The following ARFGEF2 variants were observed in gnomAD, a reference collection of about 807,000 sequenced individuals.
The protein encoded by ARFGEF2 is brefeldin A-inhibited guanine nucleotide-exchange protein 2.
A neutral mutation model predicts 219.9 loss-of-function variants in ARFGEF2; 74 were observed. The ratio of observed to expected loss-of-function variants is 0.34; its 90% CI spans 0.28 to 0.41. The LOEUF (loss-of-function observed/expected upper bound fraction) is 0.41. ARFGEF2 is among the 10% of genes least tolerant of loss of function. The probability of loss-of-function intolerance (pLI) is 1.00; values close to 1 mark genes in which losing one functional copy is unlikely to be tolerated. For synonymous variants in ARFGEF2, 733 were observed against 799.2 expected (o/e 0.92, Z 1.40); for missense variants, 1,743 against 2,218.3 (o/e 0.79, Z 4.30).
At chr20:48,939,296 T>G (rs1391312742) in intron 1 of ARFGEF2, among the ~76,000 whole-genome samples, 1 of 152,100 alleles carries the variant, frequency 6.6e-6, no homozygotes, top group Non-Finnish European at 1.5e-5. Flanking sequence ...CAAAACAGAT[T>G]GTTTTAGAGC....
In ARFGEF2 at chr20:48,925,589, G is replaced by C. The variant is rs553248788; in HGVS notation, c.121+3579G>C. 2.0e-5 allele frequency among the ~76,000 whole-genome samples: 3 copies of C among 152,198 alleles called. No homozygotes were observed. In the South Asian group the frequency reaches 6.2e-4, roughly 32 times the overall value. On this transcript the variant is annotated intron_variant, in intron 1 of 38. Transcript: ENST00000371917. ...TGTGGTTCATGCCTGTAATTCCAGC[G>C]CTTTAGGAGGCCAAGGTGGGCAGAT...
chr20:49,033,272 G>C lies in ARFGEF2; in HGVS notation c.*73G>C. ...GCCATTTCTGACTGGCACATCTCGT[G>C]AAGTTTCATAGAAACAAGGAGTTGG... On this transcript the variant is annotated 3_prime_UTR_variant, in exon 39 of 39. Transcript: ENST00000371917. 6.4e-7 allele frequency: 1 copy of C among 1,565,142 alleles called. No individual in the cohort carries two copies. Among genetic ancestry groups the C allele is most frequent in the Non-Finnish European group, 8.8e-7 (1 of 1,140,730 alleles).
rs542811399 is a variant in ARFGEF2 at position 48,977,795 on chromosome 20, A to T, written c.1958+1596A>T. Among the ~76,000 whole-genome samples the T allele has an allele frequency of 1.6e-4, 24 of 152,320 alleles. No individual in the cohort carries two copies. In the South Asian group the frequency reaches 3.5e-3, roughly 22 times the overall value. On this transcript the variant is annotated intron_variant, in intron 14 of 38. Coordinates refer to ENST00000371917, the MANE Select transcript of ARFGEF2 (RefSeq NM_006420.3). Reference sequence around the variant, plus strand: ...GTCTTCTTTTGAGCAGTGTCTGTTCATATCCTTTGCCCACTTTTTGATGGG... The same window carrying T: ...GTCTTCTTTTGAGCAGTGTCTGTTCTTATCCTTTGCCCACTTTTTGATGGG...
chr20:49,025,575 C>T, intron 36 of ARFGEF2, 94 bp downstream of exon 36: 1 of 1,359,222 alleles, frequency 7.4e-7, no homozygotes, highest in Non-Finnish European at 1.0e-6. Context: ...TTAAACATAG[C>T]TAGAATAACT....
intron 26 of ARFGEF2, among the ~76,000 whole-genome samples, chr20:49,008,002 A>G (rs2091473396): frequency 6.6e-6 from 1 of 152,098 alleles, no homozygotes; most frequent in Non-Finnish European, 1.5e-5. Flanking sequence ...GCACTCTCAG[A>G]TACTGTTGGT....
Position 49,035,862 on chromosome 20 carries a change from G to A in ARFGEF2, c.*2663G>A, listed in dbSNP as rs1220656667. 5 of 256,820 alleles carry A rather than the reference G, an allele frequency of 1.9e-5. No individual in the cohort carries two copies. The highest frequency in any genetic ancestry group is 6.7e-5 in the East Asian group (1 of 14,856). 15.9% of individuals were successfully genotyped at this position (256,820 alleles called of 1,614,324 possible). ...GATGGGTAATTTTTATTTCTGATAC[G>A]CATCTTTAGAGTCAAATATATCTTT... is the stretch of plus-strand genomic sequence containing the variant. On this transcript the variant is annotated 3_prime_UTR_variant, in exon 39 of 39. Coordinates refer to ENST00000371917, the MANE Select transcript of ARFGEF2 (RefSeq NM_006420.3).
At chr20:48,953,335 C>T (rs2091083452) in intron 5 of ARFGEF2, among the ~76,000 whole-genome samples, 1 of 151,792 alleles carries the variant, frequency 6.6e-6, no homozygotes, top group Admixed American at 6.6e-5. Context: ...GCCACCACAC[C>T]CAGCTAATTT....
rs914518010 is a variant in ARFGEF2 at position 48,950,965 on chromosome 20, G to A, written c.277-358G>A. On this transcript the variant is annotated intron_variant, in intron 3 of 38. Coordinates refer to ENST00000371917, the MANE Select transcript of ARFGEF2 (RefSeq NM_006420.3). ...TTTAGACCATTTTTATGTTATCATT[G>A]ACGATCACTCCCTATGTCTCCCTAC... 3.3e-5 allele frequency among the ~76,000 whole-genome samples: 5 copies of A among 150,834 alleles called. No individual in the cohort carries two copies. The Admixed American group carries it at 3.3e-4, about 10-fold the overall frequency.
rs140568421 is a variant in ARFGEF2 at position 48,941,879 on chromosome 20, A to T, written c.168A>T (p.Ala56=). 6.2e-7 allele frequency: 1 copy of T among 1,614,212 alleles called. No individual in the cohort carries two copies. The highest frequency in any genetic ancestry group is 2.2e-5 in the East Asian group (1 of 44,882). ...EIEKQRLGTA[A]PPKANFIEAD... ...TTTCTCCTAGGCTTGGCACTGCTGC[A>T]CCACCAAAGGCAAACTTCATTGAAG... is the stretch of plus-strand genomic sequence containing the variant. The change falls in exon 3 of 39, where the codon GCA becomes GCT. Residue 56 remains alanine, a synonymous_variant. Transcript: ENST00000371917.
At chr20:48,940,997 G>A (rs1031665815) in intron 1 of ARFGEF2, among the ~76,000 whole-genome samples, 1 of 152,168 alleles carries the variant, frequency 6.6e-6, no homozygotes, top group Non-Finnish European at 1.5e-5. Flanking sequence ...AACACTTACA[G>A]TAATGCCTAG....
chr20:48,969,272 C>T lies in ARFGEF2; in HGVS notation c.1185C>T (p.Asp395=), dbSNP rs140378669. ...AACCCCTTGGTGAAGGCCCTCCAGA[C>T]CCAAAGTAAGCAGACAGCAGTTCTT... ...SMKPLGEGPP[D]PKSHELRSKV... is the part of the protein sequence containing the mutation. The change falls in exon 9 of 39, where the codon GAC becomes GAT. Residue 395 remains aspartate (D), a synonymous_variant. Transcript: ENST00000371917. The T allele has an allele frequency of 9.3e-5, 150 of 1,614,216 alleles. No homozygotes were observed. In the African/African-American group the frequency reaches 1.8e-3, roughly 19 times the overall value.
intron 6 of ARFGEF2, among the ~76,000 whole-genome samples, chr20:48,960,377 TCAGTGAGTGAG>T (rs1418987060): frequency 1.3e-5 from 2 of 152,168 alleles, no homozygotes; most frequent in Admixed American, 1.3e-4. Flanking sequence ...CTCCAGTGAG[TCAGTGAGTGAG>T]CAGTGAGTGA....
At chr20:48,969,658 G>A (rs779484865) in intron 9 of ARFGEF2, among the ~76,000 whole-genome samples, 7 of 152,170 alleles carry the variant, frequency 4.6e-5, no homozygotes, top group Non-Finnish European at 8.8e-5. Flanking sequence ...CTGCTTCATC[G>A]ATACAGATGT....
intron 13 of ARFGEF2, 24 bp downstream of exon 13, chr20:48,974,898 C>A: frequency 6.3e-7 from 1 of 1,578,878 alleles, no homozygotes; most frequent in Non-Finnish European, 8.7e-7. Flanking sequence ...GCTGCCACAC[C>A]CACCTCCATT....
At chr20:48,979,386 AT>A (rs551621489) in intron 14 of ARFGEF2, among the ~76,000 whole-genome samples, 37 of 152,172 alleles carry the variant, frequency 2.4e-4, no homozygotes, top group Non-Finnish European at 4.4e-4. Context: ...CCAGTATTTT[AT>A]TGAGGATTTT....
chr20:48,992,617 C>T (rs2091363312), intron 21 of ARFGEF2, among the ~76,000 whole-genome samples: 4 of 152,148 alleles, frequency 2.6e-5, no homozygotes, highest in Admixed American at 2.6e-4. Flanking sequence ...ATGAAGAGGG[C>T]TTGGGACTGT....
chr20:49,007,970 G>C (rs1461446856), intron 26 of ARFGEF2, among the ~76,000 whole-genome samples: 1 of 152,000 alleles, frequency 6.6e-6, no homozygotes, highest in African/African-American at 2.4e-5. Flanking sequence ...GGCAGAGTGA[G>C]TTTAGAATCA....
At position 48,989,271 on chromosome 20, in the gene ARFGEF2, C is replaced by G; in HGVS notation, c.2534-14C>G. 1 of 1,614,112 alleles carries G rather than the reference C, an allele frequency of 6.2e-7. No homozygotes were observed. Among genetic ancestry groups the G allele is most frequent in the East Asian group, 2.2e-5 (1 of 44,888 alleles). On this transcript the variant is annotated splice_polypyrimidine_tract_variant and intron_variant, in intron 18 of 38. Coordinates refer to ENST00000371917, the MANE Select transcript of ARFGEF2 (RefSeq NM_006420.3). The stretch of plus-strand genomic sequence containing the variant: ...GTGACTGCTAGCCACACCTATCATG[C>G]TCTTACTTTACAGATGTAGCTAGTG...
At chr20:48,960,346 A>C (rs2091139378) in intron 6 of ARFGEF2, among the ~76,000 whole-genome samples, 1 of 152,148 alleles carries the variant, frequency 6.6e-6, no homozygotes, top group South Asian at 2.1e-4. Context: ...CCATGGATGG[A>C]GCTTGCAGGA....
Sources: gnomAD v4.1 joint callset for allele counts (sites outside exome capture counted in the v4.1 genomes callset) on GRCh38, gnomAD v4.1.1 for gene constraint, MANE v1.5 for transcripts, NCBI Gene and HGNC (gene_info 2026-07-23, HGNC 2026-07-21) for gene names.